The following TAF5L variants were observed in gnomAD, a reference collection of about 807,000 sequenced individuals.
The protein encoded by TAF5L is TATA-box binding protein associated factor 5 like.
In TAF5L, 7 loss-of-function variants were observed where a neutral mutation model predicts 51.3. That is an observed-to-expected ratio of 0.14 (90% CI 0.08 to 0.26). TAF5L has a LOEUF of 0.26. Among genes scored for constraint, TAF5L ranks in the 10% least tolerant of loss-of-function variants. The pLI is 1.00. For synonymous variants in TAF5L, 291 were observed against 308.1 expected (o/e 0.94, Z 0.58); for missense variants, 575 against 758.9 (o/e 0.76, Z 2.85).
chr1:229,618,064 C>G (rs1197039163), intron 1 of TAF5L, among the ~76,000 whole-genome samples: 1 of 152,108 alleles, frequency 6.6e-6, no homozygotes, highest in East Asian at 1.9e-4. Context: ...ATTAATGAAC[C>G]TGAGATAAAT....
chr1:229,616,360 A>G (rs1665003161), intron 1 of TAF5L, among the ~76,000 whole-genome samples: 1 of 135,674 alleles, frequency 7.4e-6, no homozygotes, highest in South Asian at 2.7e-4. Context: ...CCGGAAGTCT[A>G]TTTATTTATT....
rs552923551 is a variant in TAF5L at position 229,625,254 on chromosome 1, G to C, written c.-4+631C>G. ...AAAAGCCTGGCAGCTTCGCGAGCTG[G>C]AGGTGGTGAACCCGTCCCACACCAT... On this transcript the variant is annotated intron_variant, in intron 1 of 4. Coordinates refer to ENST00000258281, the Ensembl canonical transcript of TAF5L. This position sits in a 1 kb window ranked among gnomAD's most constrained non-coding sequence, Gnocchi z 4.0. 3.8e-3 allele frequency among the ~76,000 whole-genome samples: 574 copies of C among 152,268 alleles called. 4 individuals are homozygous for C. Among genetic ancestry groups the C allele is most frequent in the African/African-American group, 0.013 (555 of 41,544 alleles).
chr1:229,614,522 G>A (rs199755957), intron 1 of TAF5L, 37 bp from the exon 2 acceptor site: 24 of 1,607,548 alleles, frequency 1.5e-5, no homozygotes, highest in Non-Finnish European at 1.7e-6. Context: ...AGAGACATCA[G>A]GGGCCTGGGA....
At chr1:229,613,639 G>A (rs1664870204) in intron 2 of TAF5L, among the ~76,000 whole-genome samples, 1 of 152,146 alleles carries the variant, frequency 6.6e-6, no homozygotes, top group South Asian at 2.1e-4. Flanking sequence ...GAATACAGGA[G>A]GATGTCTGTA....
intron 4 of TAF5L, chr1:229,601,705 G>A: frequency 1.0e-6 from 1 of 996,194 alleles, no homozygotes; most frequent in South Asian, 4.5e-5. Context: ...TCCATCCAGT[G>A]TGGTGAGGGT....
Position 229,594,044 on chromosome 1 carries a change from T to G in TAF5L, c.*253A>C, listed in dbSNP as rs1664020026. On this transcript the variant is annotated 3_prime_UTR_variant, in exon 5 of 5. Coordinates refer to ENST00000258281, the Ensembl canonical transcript of TAF5L. This position sits in a 1 kb window ranked among gnomAD's most constrained non-coding sequence, Gnocchi z 7.9. Reference sequence around the variant, plus strand: ...GCGCGAGGTCACGGCAGAGTCTCCATGAGGACTTGTGAGTGACCTCCAGGG... The same window carrying G: ...GCGCGAGGTCACGGCAGAGTCTCCAGGAGGACTTGTGAGTGACCTCCAGGG... The G allele has an allele frequency of 6.7e-6, 3 of 445,370 alleles. No homozygotes were observed. The highest frequency in any genetic ancestry group is 2.0e-5 in the African/African-American group (1 of 50,176). 27.6% of individuals were successfully genotyped at this position (445,370 alleles called of 1,614,324 possible).
exon 3 of TAF5L, chr1:229,610,168 G>A: frequency 6.2e-7 from 1 of 1,614,178 alleles, no homozygotes; most frequent in Non-Finnish European, 8.5e-7. Context: ...TGCCTGGCAA[G>A]GGGCTGCAGA....
At chr1:229,612,086 C>T (rs900239602) in intron 2 of TAF5L, among the ~76,000 whole-genome samples, 4 of 152,312 alleles carry the variant, frequency 2.6e-5, no homozygotes, top group Non-Finnish European at 5.9e-5. Flanking sequence ...AGGGTCAAAT[C>T]GTAGCTATCT....
chr1:229,623,701 T>C (rs12065585), intron 1 of TAF5L, among the ~76,000 whole-genome samples: 80,702 of 151,666 alleles, frequency 0.53, 21,650 homozygotes, highest in East Asian at 0.77. Context: ...ACTTAAAGCA[T>C]TTAAAATTAA....
chr1:229,606,060 G>GT, intron 3 of TAF5L: 1 of 825,792 alleles, frequency 1.2e-6, no homozygotes, highest in Non-Finnish European at 1.5e-6. Context: ...TTTCAATTGA[G>GT]TAAGTTTAGA....
chr1:229,604,870 T>C (rs111475290), intron 3 of TAF5L, among the ~76,000 whole-genome samples: 11 of 152,316 alleles, frequency 7.2e-5, no homozygotes, highest in African/African-American at 2.4e-4. Context: ...TATCTATATA[T>C]AGATATATAA....
Position 229,594,031 on chromosome 1 carries a change from G to A in TAF5L, c.*266C>T, listed in dbSNP as rs569664075. 3.1e-4 allele frequency: 124 copies of A among 401,386 alleles called. No homozygotes were observed. Among genetic ancestry groups the A allele is most frequent in the African/African-American group, 2.4e-3 (120 of 49,076 alleles). The allele number at this position is 401,386 out of a possible 1,614,324, so 24.9% of individuals were successfully genotyped here. A position where few individuals can be genotyped will look rare whatever the true frequency, so the allele number is the denominator to read the frequency against. ...AAGGTGCTCGCATGCGCGAGGTCAC[G>A]GCAGAGTCTCCATGAGGACTTGTGA... On this transcript the variant is annotated 3_prime_UTR_variant, in exon 5 of 5. Transcript: ENST00000258281. The surrounding 1 kb of genome is among the most constrained non-coding windows in gnomAD (Gnocchi z 7.9).
intron 4 of TAF5L, chr1:229,601,375 A>G (rs989078855): frequency 2.3e-5 from 23 of 985,326 alleles, no homozygotes; most frequent in Non-Finnish European, 2.8e-5. Context: ...TTCAGTGGTG[A>G]TAAGACAAAA....
intron 1 of TAF5L, among the ~76,000 whole-genome samples, chr1:229,617,135 T>A (rs907442606): frequency 6.6e-6 from 1 of 152,172 alleles, no homozygotes; most frequent in Non-Finnish European, 1.5e-5. Context: ...GAGAGTGGGG[T>A]CCCTGCTCCC....
At chr1:229,607,516 C>G (rs1664640348) in intron 3 of TAF5L, 1 of 978,886 alleles carries the variant, frequency 1.0e-6, no homozygotes. Flanking sequence ...TCCTCCTCTT[C>G]CAGTCTACTG....
chr1:229,616,358 C>CCATT (rs1163038406), intron 1 of TAF5L, among the ~76,000 whole-genome samples: 29 of 116,264 alleles, frequency 2.5e-4, no homozygotes, highest in Non-Finnish European at 5.4e-4. Context: ...TTCCGGAAGT[C>CCATT]TATTTATTTA....
chr1:229,602,324 C>G lies in TAF5L; in HGVS notation c.843G>C (p.Lys281Asn), dbSNP rs1194246933. 2.5e-6 allele frequency: 4 copies of G among 1,614,172 alleles called. No homozygotes were observed. The South Asian group carries it at 4.4e-5, about 18-fold the overall frequency. ...AGTTGTCAAACCCAGCAGCAAGCAGCTTGCTATCGGGGGAGATTTCTGCAG... is the reference window on the plus strand; with the variant it reads ...AGTTGTCAAACCCAGCAGCAAGCAGGTTGCTATCGGGGGAGATTTCTGCAG... Residue 281 changes from lysine (K) to asparagine (N), a missense_variant, in exon 4 of 5, where the codon AAG becomes AAC. This residue lies in a region of TAF5L where 380 missense variants were observed against 443.7 expected (regional missense o/e 0.86). Transcript: ENST00000258281. This position sits in a 1 kb window ranked among gnomAD's most constrained non-coding sequence, Gnocchi z 4.6.
intron 3 of TAF5L, chr1:229,606,054 A>G (rs1664585952): frequency 1.3e-6 from 1 of 775,040 alleles, no homozygotes; most frequent in African/African-American, 1.9e-5. Flanking sequence ...GAGGCATTTC[A>G]ATTGAGTAAG....
chr1:229,593,797 G>A (rs940886940), exon 5 of TAF5L: 5 of 151,948 alleles, frequency 3.3e-5, no homozygotes, highest in Non-Finnish European at 5.9e-5. Flanking sequence ...CTGGTTCTCT[G>A]TAATTACGGA....
Sources: allele counts gnomAD v4.1 joint callset (sites outside exome capture counted in the v4.1 genomes callset), GRCh38; gene constraint gnomAD v4.1.1; regional missense constraint gnomAD v4.1.1; non-coding constraint Gnocchi (gnomAD v3.1); transcripts MANE v1.5; gene names NCBI Gene and HGNC (gene_info 2026-07-23, HGNC 2026-07-21).